The following BTF3L4 variants were observed in gnomAD, a reference collection of about 807,000 sequenced individuals.
The protein encoded by BTF3L4 is basic transcription factor 3 like 4, also known as transcription factor BTF3 homolog 4.
A neutral mutation model predicts 16.8 loss-of-function variants in BTF3L4; 6 were observed. The observed-to-expected ratio is 0.36, with a 90% CI of 0.20 to 0.71. BTF3L4 has a LOEUF of 0.71. BTF3L4 is among the 30% of genes least tolerant of loss of function. BTF3L4 has a pLI of 0.58. For synonymous variants in BTF3L4, 39 were observed against 59.8 expected, an observed-to-expected ratio of 0.65 and a Z score of 1.60; for missense variants, 92 against 186.9, an observed-to-expected ratio of 0.49 and a Z score of 2.96.
chr1:52,082,207 A>T (rs1643930465), intron 3 of BTF3L4, among the ~76,000 whole-genome samples: 1 of 152,370 alleles, frequency 6.6e-6, no homozygotes, highest in South Asian at 2.1e-4. Context: ...GAGAGAGAAA[A>T]ATAACAATCT....
chr1:52,079,975 G>A (rs148022986), intron 3 of BTF3L4, among the ~76,000 whole-genome samples: 1,669 of 150,160 alleles, frequency 0.011, 47 homozygotes, highest in African/African-American at 0.039. Context: ...GGGTTCAAGC[G>A]ATTCTCCTGC....
intron 3 of BTF3L4, among the ~76,000 whole-genome samples, chr1:52,073,501 C>T (rs1686850116): frequency 7.1e-6 from 1 of 140,264 alleles, no homozygotes; most frequent in East Asian, 2.0e-4. Flanking sequence ...CATACACACA[C>T]ACACACACAC....
chr1:52,066,058 A>G (rs1686639702), intron 3 of BTF3L4, among the ~76,000 whole-genome samples: 1 of 152,098 alleles, frequency 6.6e-6, no homozygotes, highest in Non-Finnish European at 1.5e-5. Flanking sequence ...ATTGTATGTC[A>G]GTTTATTGTA....
chr1:52,056,473 G>T (rs1439761497), intron 1 of BTF3L4, 94 bp downstream of exon 1: 2 of 152,832 alleles, frequency 1.3e-5, no homozygotes, highest in African/African-American at 4.8e-5. Flanking sequence ...CAACCGCTCA[G>T]GCTGCCACTT....
At chr1:52,067,176 G>T (rs1376968839) in intron 3 of BTF3L4, among the ~76,000 whole-genome samples, 1 of 152,152 alleles carries the variant, frequency 6.6e-6, no homozygotes, top group Non-Finnish European at 1.5e-5. Flanking sequence ...GCAGAGGTTT[G>T]CAGTGAGCAG....
chr1:52,060,494 C>T lies in BTF3L4; in HGVS notation c.54+593C>T, dbSNP rs532425122. 4.0e-5 allele frequency: 51 copies of T among 1,265,646 alleles called. No individual in the cohort carries two copies. In the South Asian group the frequency reaches 6.0e-4, roughly 15 times the overall value. 78.4% of individuals were successfully genotyped at this position (1,265,646 alleles called of 1,614,324 possible). ...ATATGAATATCAGCTTTCTTATTCC[C>T]TGTACTTTTTAAAGCCTAAGGAAGA... On this transcript the variant is annotated intron_variant, in intron 2 of 5. Coordinates refer to ENST00000313334, the MANE Select transcript of BTF3L4 (RefSeq NM_152265.5).
chr1:52,071,717 A>T (rs1686790800), intron 3 of BTF3L4, among the ~76,000 whole-genome samples: 1 of 152,088 alleles, frequency 6.6e-6, no homozygotes, highest in East Asian at 1.9e-4. Flanking sequence ...TTTTTTCTGA[A>T]CCAGTTGTAC....
chr1:52,070,781 G>A (rs1281586997), intron 3 of BTF3L4, among the ~76,000 whole-genome samples: 4 of 151,272 alleles, frequency 2.6e-5, no homozygotes, highest in Admixed American at 2.6e-4. Flanking sequence ...GGGATTATAG[G>A]CGCACCACCA....
In BTF3L4 at chr1:52,089,868, C is replaced by T. The variant is rs1644003996; in HGVS notation, c.*3110C>T. Reference sequence around the variant, plus strand: ...TAAGTAGCTAGTGCTTACAGGATTCCATTAAATTCACTTTAATAAGCCTAT... The same window carrying T: ...TAAGTAGCTAGTGCTTACAGGATTCTATTAAATTCACTTTAATAAGCCTAT... On this transcript the variant is annotated 3_prime_UTR_variant, in exon 6 of 6. Transcript: ENST00000313334. 6.6e-6 allele frequency: 1 copy of T among 152,102 alleles called. No individual in the cohort carries two copies. Among genetic ancestry groups the T allele is most frequent in the Admixed American group, 6.6e-5 (1 of 15,254 alleles). 9.4% of individuals were successfully genotyped at this position (152,102 alleles called of 1,614,324 possible). A position where few individuals can be genotyped will look rare whatever the true frequency, so the allele number is the denominator to read the frequency against.
At chr1:52,072,030 GT>G (rs201067384) in intron 3 of BTF3L4, among the ~76,000 whole-genome samples, 4 of 62,064 alleles carry the variant, frequency 6.4e-5, no homozygotes, top group African/African-American at 1.8e-4. Context: ...GTTTTTTTTT[GT>G]TTTTTTTTTT....
chr1:52,089,020 A>G lies in BTF3L4; in HGVS notation c.*2262A>G, dbSNP rs373487735. 1 of 150,502 alleles carries G rather than the reference A, an allele frequency of 6.6e-6. No individual in the cohort carries two copies. The highest frequency in any genetic ancestry group is 1.5e-5 in the Non-Finnish European group (1 of 67,900). The allele number at this position is 150,502 out of a possible 1,614,324, so 9.3% of individuals were successfully genotyped here. ...GGTGATTCATTTGCCTCGGCCTCCC[A>G]AAGTGCTAGGATTACAGGCGTGAGC... is the stretch of plus-strand genomic sequence containing the variant. On this transcript the variant is annotated 3_prime_UTR_variant, in exon 6 of 6. Coordinates refer to ENST00000313334, the MANE Select transcript of BTF3L4 (RefSeq NM_152265.5).
intron 3 of BTF3L4, among the ~76,000 whole-genome samples, chr1:52,075,138 A>G (rs956505476): frequency 6.6e-6 from 1 of 152,202 alleles, no homozygotes; most frequent in African/African-American, 2.4e-5. Context: ...ATGTGTAGGT[A>G]TCTACATACA....
Position 52,089,824 on chromosome 1 carries a change from A to G in BTF3L4, c.*3066A>G. On this transcript the variant is annotated 3_prime_UTR_variant, in exon 6 of 6. Coordinates refer to ENST00000313334, the MANE Select transcript of BTF3L4 (RefSeq NM_152265.5). ...TTAAGTAATGGTTTAAGAATATATC[A>G]AGCACCTTAATTTGTTGTTAAGTAG... 1 of 152,158 alleles carries G rather than the reference A, an allele frequency of 6.6e-6. No individual in the cohort carries two copies. Among genetic ancestry groups the G allele is most frequent in the Admixed American group, 6.5e-5 (1 of 15,270 alleles). The allele number at this position is 152,158 out of a possible 1,614,324, so 9.4% of individuals were successfully genotyped here.
intron 1 of BTF3L4, among the ~76,000 whole-genome samples, chr1:52,057,138 G>A (rs1199750069): frequency 6.6e-6 from 1 of 152,216 alleles, no homozygotes; most frequent in Admixed American, 6.5e-5. Flanking sequence ...GTTCAGAGAA[G>A]AAAAATACCT....
At chr1:52,080,146 A>G (rs1166356464) in intron 3 of BTF3L4, among the ~76,000 whole-genome samples, 2 of 152,130 alleles carry the variant, frequency 1.3e-5, no homozygotes, top group African/African-American at 4.8e-5. Flanking sequence ...TGCTGGAATT[A>G]CAGGCATGAG....
intron 3 of BTF3L4, among the ~76,000 whole-genome samples, chr1:52,069,914 T>C (rs1205301557): frequency 6.6e-6 from 1 of 152,136 alleles, no homozygotes; most frequent in East Asian, 1.9e-4. Flanking sequence ...TGGTGTCCTC[T>C]TCAGAAACTT....
intron 3 of BTF3L4, chr1:52,065,287 A>T (rs371204424): frequency 6.6e-6 from 1 of 151,392 alleles, no homozygotes; most frequent in Non-Finnish European, 1.4e-5. Context: ...TTTTTTTGAG[A>T]TGGAGTCTCA....
rs1248548074 is a variant in BTF3L4, at chr1:52,083,389, A to G, written c.218A>G (p.Lys73Arg). ...DGTVIHFNNP[K>R]VQASLSANTF... ...ACAGTTATTCATTTCAACAATCCCA[A>G]AGTCCAAGCTTCCCTTTCTGCTAAT... is the stretch of plus-strand genomic sequence containing the variant. Residue 73 changes from lysine to arginine, a missense_variant, in exon 4 of 6, where the codon AAA becomes AGA. Transcript: ENST00000313334. 1 of 1,613,322 alleles carries G rather than the reference A, an allele frequency of 6.2e-7. No homozygotes were observed. The highest frequency in any genetic ancestry group is 8.5e-7 in the Non-Finnish European group (1 of 1,179,542).
chr1:52,056,622 C>G (rs1210766273), intron 1 of BTF3L4, among the ~76,000 whole-genome samples: 1 of 152,256 alleles, frequency 6.6e-6, no homozygotes, highest in Non-Finnish European at 1.5e-5. Context: ...CGCCCTGTTG[C>G]CGCCCAGACC....
Sources: allele counts gnomAD v4.1 joint callset (sites outside exome capture counted in the v4.1 genomes callset), GRCh38; gene constraint gnomAD v4.1.1; transcripts MANE v1.5; gene names NCBI Gene and HGNC (gene_info 2026-07-23, HGNC 2026-07-21).